Variants in HERC1 observed in about 807,000 individuals in gnomAD.
HERC1 encodes probable E3 ubiquitin-protein ligase HERC1.
HERC1 carries 160 observed loss-of-function variants against 554.3 expected under a neutral mutation model. That is an observed-to-expected ratio of 0.29 (90% CI 0.25 to 0.33). HERC1 has a LOEUF of 0.33. Ranked by LOEUF, HERC1 falls within the 10% of genes least tolerant of loss-of-function variation. The pLI, the probability that HERC1 is intolerant of heterozygous loss-of-function variation, is 1.00. For synonymous variants in HERC1, 2,175 were observed against 2,131.7 expected, an observed-to-expected ratio of 1.02 and a Z score of -0.56; for missense variants, 4,919 against 5,918.5, an observed-to-expected ratio of 0.83 and a Z score of 5.54.
Position 63,632,063 on chromosome 15 carries a change from C to T in HERC1, c.12796+646G>A, listed in dbSNP as rs774112000. Among the ~76,000 whole-genome samples the T allele has an allele frequency of 1.3e-3, 191 of 152,274 alleles. 1 individual carries two copies. Among genetic ancestry groups the T allele is most frequent in the Admixed American group, 3.2e-3 (49 of 15,296 alleles). ...ATTCTCAATAGCCTAGTGGACATTT[C>T]CACACATTTATTTAGGGCAAATGGG... On this transcript the variant is annotated intron_variant, in intron 68 of 77. Coordinates refer to ENST00000443617, the MANE Select transcript of HERC1 (RefSeq NM_003922.4).
Position 63,774,844 on chromosome 15 carries a change from T to A in HERC1, c.780A>T (p.Ser260=). ...CTATCCATTCAAGAAGATATCGCAA[T>A]GAGCCTCGTTGAGCTGCCAAACCAA... The part of the protein sequence containing the change: ...LLLGLAAQRG[S]LRYLLEWIEM... The change falls in exon 2 of 78, where the codon TCA becomes TCT. Residue 260 remains serine (S), a synonymous_variant. Coordinates refer to ENST00000443617, the MANE Select transcript of HERC1 (RefSeq NM_003922.4). The A allele has an allele frequency of 1.1e-5, 17 of 1,614,004 alleles. No homozygotes were observed. Among genetic ancestry groups the A allele is most frequent in the Non-Finnish European group, 1.4e-5 (16 of 1,179,900 alleles).
Position 63,677,919 on chromosome 15 carries a change from G to A in HERC1, c.6996C>T (p.Ala2332=). 6.2e-7 allele frequency: 1 copy of A among 1,613,980 alleles called. No individual in the cohort carries two copies. The highest frequency in any genetic ancestry group is 8.5e-7 in the Non-Finnish European group (1 of 1,179,888). ...RCVHKQTGRH[A]TLLGVVKEGS... Reference sequence around the variant, plus strand: ...CCTCTTTGACCACTCCCAGCAGCGTGGCATGGCGCCCAGTTTGCTTGTGAA... The same window carrying A: ...CCTCTTTGACCACTCCCAGCAGCGTAGCATGGCGCCCAGTTTGCTTGTGAA... The change falls in exon 37 of 78, where the codon GCC becomes GCT. Residue 2332 remains alanine (A), a synonymous_variant. Coordinates refer to ENST00000443617, the MANE Select transcript of HERC1 (RefSeq NM_003922.4). The surrounding 1 kb of genome is among the most constrained non-coding windows in gnomAD (Gnocchi z 4.4).
At chr15:63,783,292 C>T (rs1232406276) in intron 1 of HERC1, among the ~76,000 whole-genome samples, 1 of 152,150 alleles carries the variant, frequency 6.6e-6, no homozygotes, top group Non-Finnish European at 1.5e-5. Flanking sequence ...GTAATCCCAA[C>T]CTTTCAGCAA....
chr15:63,756,428 T>C lies in HERC1; in HGVS notation c.1533+9A>G. 1 of 1,588,080 alleles carries C rather than the reference T, an allele frequency of 6.3e-7. No homozygotes were observed. The highest frequency in any genetic ancestry group is 8.6e-7 in the Non-Finnish European group (1 of 1,166,984). ...TAATTATTTTTATAACCAAAAAGAA[T>C]GCACATACCTTTCCTTGTAGAGGTC... On this transcript the variant is annotated intron_variant, in intron 5 of 77. Coordinates refer to ENST00000443617, the MANE Select transcript of HERC1 (RefSeq NM_003922.4). The surrounding 1 kb of genome is among the most constrained non-coding windows in gnomAD (Gnocchi z 5.0).
chr15:63,755,873 G>A (rs1433924056), intron 5 of HERC1, among the ~76,000 whole-genome samples: 2 of 152,146 alleles, frequency 1.3e-5, no homozygotes, highest in African/African-American at 4.8e-5. Context: ...CCAATTATTT[G>A]TGTGGGTCCT....
intron 1 of HERC1, among the ~76,000 whole-genome samples, chr15:63,805,146 T>C (rs755259116): frequency 2.6e-5 from 4 of 152,220 alleles, no homozygotes; most frequent in Non-Finnish European, 5.9e-5. Context: ...AGCGTCTTTA[T>C]TCATAATAGC....
At chr15:63,826,749 G>A (rs1362463175) in intron 1 of HERC1, among the ~76,000 whole-genome samples, 1 of 119,216 alleles carries the variant, frequency 8.4e-6, no homozygotes, top group East Asian at 2.9e-4. Context: ...GGGGTCACCC[G>A]AATGACTACT....
intron 1 of HERC1, among the ~76,000 whole-genome samples, chr15:63,813,480 T>A (rs1392215200): frequency 6.6e-6 from 1 of 152,158 alleles, no homozygotes; most frequent in African/African-American, 2.4e-5. Context: ...AAAGGGTTTT[T>A]TTTTAATATC....
Position 63,692,480 on chromosome 15 carries a change from G to T in HERC1, c.5761C>A (p.Gln1921Lys). 1 of 1,612,718 alleles carries T rather than the reference G, an allele frequency of 6.2e-7. No individual in the cohort carries two copies. Among genetic ancestry groups the T allele is most frequent in the Non-Finnish European group, 8.5e-7 (1 of 1,179,436 alleles). The change falls in exon 31 of 78, where the codon CAA becomes AAA. Residue 1921 changes from glutamine to lysine, a missense_variant. Gln to Lys is a moderately conservative substitution (Grantham distance 53). Around this residue, in one of 11 missense-constraint regions of HERC1, gnomAD observed 1,121 missense variants for 1,244.0 expected, o/e 0.90. Transcript: ENST00000443617. The surrounding 1 kb of genome is among the most constrained non-coding windows in gnomAD (Gnocchi z 4.7). Reference protein sequence around the residue: ...LRRVVSSKAIQSKMASPKWTE... With the variant: ...LRRVVSSKAIKSKMASPKWTE... ...CACTTTGGGGAAGCCATTTTTGATT[G>T]AATTGCTTTTGAAGATACAACTCTG...
intron 1 of HERC1, among the ~76,000 whole-genome samples, chr15:63,832,663 C>T (rs1322062819): frequency 6.6e-6 from 1 of 152,140 alleles, no homozygotes; most frequent in Non-Finnish European, 1.5e-5. Flanking sequence ...ACTTAGCTAA[C>T]AATCATTTTG....
chr15:63,694,550 C>A lies in HERC1; in HGVS notation c.5243-1G>T, dbSNP rs372122413. 6.2e-6 allele frequency: 10 copies of A among 1,612,082 alleles called. No individual in the cohort carries two copies. Among genetic ancestry groups the A allele is most frequent in the Non-Finnish European group, 6.8e-6 (8 of 1,178,284 alleles). On this transcript the variant is annotated splice_acceptor_variant, in intron 28 of 77. Coordinates refer to ENST00000443617, the MANE Select transcript of HERC1 (RefSeq NM_003922.4). LOFTEE classifies it high-confidence loss of function. This position sits in a 1 kb window ranked among gnomAD's most constrained non-coding sequence, Gnocchi z 4.3. ...ACCAGAAGCAGACGTTGCTGGGCTT[C>A]TAAAAGACAAAGAGACAGTTAAGAA... is the stretch of plus-strand genomic sequence containing the variant.
At chr15:63,618,259 G>C (rs1189818575) in intron 74 of HERC1, among the ~76,000 whole-genome samples, 1 of 151,992 alleles carries the variant, frequency 6.6e-6, no homozygotes, top group South Asian at 2.1e-4. Flanking sequence ...TTATTAAATA[G>C]GGAATCCTTT....
chr15:63,637,885 T>A (rs1479761548), intron 63 of HERC1, among the ~76,000 whole-genome samples: 1 of 151,972 alleles, frequency 6.6e-6, no homozygotes, highest in Non-Finnish European at 1.5e-5. Flanking sequence ...ACAAAATGGA[T>A]GAAAGAAAAA....
chr15:63,811,282 T>C (rs1000080471), intron 1 of HERC1, among the ~76,000 whole-genome samples: 2 of 152,180 alleles, frequency 1.3e-5, no homozygotes, highest in African/African-American at 2.4e-5. Flanking sequence ...GCCAATGTAC[T>C]GGGAGAGGAC....
intron 38 of HERC1, 60 bp downstream of exon 38, chr15:63,674,282 C>T (rs1481063487): frequency 2.1e-6 from 3 of 1,402,044 alleles, no homozygotes; most frequent in Middle Eastern, 1.9e-4. Flanking sequence ...TCACTTCTGA[C>T]AATTATGAAA....
At chr15:63,831,334 T>C (rs1446876576) in intron 1 of HERC1, among the ~76,000 whole-genome samples, 1 of 152,174 alleles carries the variant, frequency 6.6e-6, no homozygotes, top group Non-Finnish European at 1.5e-5. Flanking sequence ...CTTAAACTCC[T>C]GGGCTCAAGC....
intron 1 of HERC1, among the ~76,000 whole-genome samples, chr15:63,792,092 C>T (rs145348241): frequency 2.8e-4 from 42 of 152,224 alleles, no homozygotes; most frequent in Non-Finnish European, 1.2e-4. Flanking sequence ...ATTCAATTGA[C>T]CAATATTCTC....
rs2074417198 is a variant in HERC1, at chr15:63,734,418, C to T, written c.2646+306G>A. Among the ~76,000 whole-genome samples, 3 of 152,184 alleles carry T rather than the reference C, an allele frequency of 2.0e-5. No individual in the cohort carries two copies. Among genetic ancestry groups the T allele is most frequent in the Admixed American group, 6.5e-5 (1 of 15,280 alleles). ...GACAAAGTTCTCAGCATGGAACCAA[C>T]AGTAGCACATACACTTGATTTCAAC... On this transcript the variant is annotated intron_variant, in intron 13 of 77. Coordinates refer to ENST00000443617, the MANE Select transcript of HERC1 (RefSeq NM_003922.4). The surrounding 1 kb of genome is among the most constrained non-coding windows in gnomAD (Gnocchi z 4.6).
In HERC1 at chr15:63,612,130, G is replaced by C; in HGVS notation, c.14400+121C>G. On this transcript the variant is annotated intron_variant, in intron 77 of 77. Coordinates refer to ENST00000443617, the MANE Select transcript of HERC1 (RefSeq NM_003922.4). This position sits in a 1 kb window ranked among gnomAD's most constrained non-coding sequence, Gnocchi z 5.0. ...TTGAAGCTAGGAAGCGGAGGTTGCAGTAAGCTAAAATCATGCCACTGCACT... is the reference window on the plus strand; with the variant it reads ...TTGAAGCTAGGAAGCGGAGGTTGCACTAAGCTAAAATCATGCCACTGCACT... 1 of 865,542 alleles carries C rather than the reference G, an allele frequency of 1.2e-6. No individual in the cohort carries two copies. The highest frequency in any genetic ancestry group is 1.9e-5 in the South Asian group (1 of 53,760). The allele number at this position is 865,542 out of a possible 1,614,324, so 53.6% of individuals were successfully genotyped here.
Sources: allele counts gnomAD v4.1 joint callset (sites outside exome capture counted in the v4.1 genomes callset), GRCh38; gene constraint gnomAD v4.1.1; regional missense constraint gnomAD v4.1.1; non-coding constraint Gnocchi (gnomAD v3.1); transcripts MANE v1.5; gene names NCBI Gene and HGNC (gene_info 2026-07-23, HGNC 2026-07-21).